TENM4: variants seen among roughly 807,000 people sequenced by gnomAD.
The protein encoded by TENM4 is teneurin transmembrane protein 4, also known as teneurin-4.
In TENM4, 82 loss-of-function variants were observed where a neutral mutation model predicts 243.3. The ratio of observed to expected loss-of-function variants is 0.34; its 90% CI spans 0.28 to 0.40. The LOEUF (loss-of-function observed/expected upper bound fraction) is 0.40, where lower values mean the gene tolerates loss of function less well. Among genes scored for constraint, TENM4 ranks in the 10% least tolerant of loss-of-function variants. The probability of loss-of-function intolerance (pLI) is 1.00; values close to 1 mark genes in which losing one functional copy is unlikely to be tolerated. For synonymous variants in TENM4, 1,412 were observed against 1,456.3 expected, an observed-to-expected ratio of 0.97 and a Z score of 0.69; for missense variants, 3,138 against 3,673.3, an observed-to-expected ratio of 0.85 and a Z score of 3.77.
intron 2 of TENM4, among the ~76,000 whole-genome samples, chr11:79,282,118 AC>A (rs1489465769): frequency 2.6e-5 from 4 of 152,236 alleles, no homozygotes; most frequent in African/African-American, 9.6e-5. Context: ...ACAATGAGAT[AC>A]CACTTCAAAC....
chr11:79,329,362 TTTCA>T (rs1857024817), intron 1 of TENM4, among the ~76,000 whole-genome samples: 1 of 152,186 alleles, frequency 6.6e-6, no homozygotes, highest in Non-Finnish European at 1.5e-5. Context: ...GGAGACAGAC[TTTCA>T]TTCATTCATC....
At chr11:78,867,820 ACCACAGAG>A (rs1400748104) in intron 9 of TENM4, among the ~76,000 whole-genome samples, 2 of 152,212 alleles carry the variant, frequency 1.3e-5, no homozygotes, top group African/African-American at 4.8e-5. Context: ...GTTACTGGAG[ACCACAGAG>A]CTGGTAGAAA....
intron 4 of TENM4, among the ~76,000 whole-genome samples, chr11:79,099,637 G>C (rs950198028): frequency 6.6e-6 from 1 of 152,136 alleles, no homozygotes; most frequent in Non-Finnish European, 1.5e-5. Flanking sequence ...GATTGTTTAG[G>C]AAGGACTGGG....
At chr11:79,079,450 G>C (rs1310197440) in intron 4 of TENM4, among the ~76,000 whole-genome samples, 1 of 152,210 alleles carries the variant, frequency 6.6e-6, no homozygotes, top group Admixed American at 6.5e-5. Flanking sequence ...GTGTCTTCCA[G>C]ATTCCTTTGG....
At chr11:79,049,708 G>A (rs1859749502) in intron 6 of TENM4, among the ~76,000 whole-genome samples, 1 of 152,208 alleles carries the variant, frequency 6.6e-6, no homozygotes, top group Non-Finnish European at 1.5e-5. Context: ...TTCCTTCCGG[G>A]AGATTGGAAT....
intron 27 of TENM4, 55 bp from the exon 28 acceptor site, chr11:78,702,458 C>T: frequency 6.4e-7 from 1 of 1,565,794 alleles, no homozygotes; most frequent in Non-Finnish European, 8.6e-7. Context: ...ACCACTAATC[C>T]ATCCCATAGC....
intron 27 of TENM4, among the ~76,000 whole-genome samples, chr11:78,705,158 C>T (rs182196393): frequency 8.7e-4 from 133 of 152,314 alleles, no homozygotes; most frequent in African/African-American, 2.7e-3. Context: ...CAACTCTGGC[C>T]GCTAAATATT....
At chr11:78,686,315 A>T (rs1858669732) in intron 29 of TENM4, among the ~76,000 whole-genome samples, 1 of 152,166 alleles carries the variant, frequency 6.6e-6, no homozygotes. Flanking sequence ...AGGGTGTGAA[A>T]GCCCCACGCC....
rs560004238 is a variant in TENM4 at position 79,158,596 on chromosome 11, G to T, written c.-162-9790C>A. Among the ~76,000 whole-genome samples, 3 of 152,262 alleles carry T rather than the reference G, an allele frequency of 2.0e-5. No individual in the cohort carries two copies. In the East Asian group the frequency reaches 5.8e-4, roughly 29 times the overall value. ...GATTAGTACTCTCATGAAGGAATGGGGAAGGTGAGTAGAATGAGAAGAATA... is the reference window on the plus strand; with the variant it reads ...GATTAGTACTCTCATGAAGGAATGGTGAAGGTGAGTAGAATGAGAAGAATA... On this transcript the variant is annotated intron_variant, in intron 3 of 33. Transcript: ENST00000278550.
At chr11:78,897,511 C>T (rs1855825535) in intron 7 of TENM4, among the ~76,000 whole-genome samples, 1 of 152,148 alleles carries the variant, frequency 6.6e-6, no homozygotes, top group African/African-American at 2.4e-5. Flanking sequence ...TAGAACAGCA[C>T]CTGGCCGTTC....
intron 6 of TENM4, among the ~76,000 whole-genome samples, chr11:79,002,272 G>A (rs1858349453): frequency 6.6e-6 from 1 of 152,222 alleles, no homozygotes; most frequent in Admixed American, 6.5e-5. Flanking sequence ...GAATGTTGGG[G>A]TTCACTCCTG....
At chr11:78,845,029 A>G (rs1858358122) in intron 12 of TENM4, among the ~76,000 whole-genome samples, 1 of 152,120 alleles carries the variant, frequency 6.6e-6, no homozygotes, top group Non-Finnish European at 1.5e-5. Flanking sequence ...TTCTCAAAAT[A>G]TGTCCTTTCT....
intron 6 of TENM4, among the ~76,000 whole-genome samples, chr11:79,035,819 A>G (rs1261077426): frequency 4.6e-5 from 7 of 152,222 alleles, no homozygotes; most frequent in African/African-American, 1.7e-4. Flanking sequence ...CAAGCTGAAC[A>G]CAAATATAAA....
chr11:79,132,566 C>A (rs1862031400), intron 4 of TENM4, among the ~76,000 whole-genome samples: 1 of 151,942 alleles, frequency 6.6e-6, no homozygotes, highest in South Asian at 2.1e-4. Context: ...GCACATGGAA[C>A]TTTCTCCAAG....
intron 3 of TENM4, among the ~76,000 whole-genome samples, chr11:79,189,755 C>T (rs1055105347): frequency 2.6e-5 from 4 of 152,202 alleles, no homozygotes; most frequent in Non-Finnish European, 4.4e-5. Context: ...CTAATATTGA[C>T]TGACCACAGC....
chr11:79,234,969 C>T (rs903990472), intron 2 of TENM4, among the ~76,000 whole-genome samples: 2 of 152,098 alleles, frequency 1.3e-5, no homozygotes, highest in Admixed American at 1.3e-4. Context: ...TCAGTGAAGC[C>T]ACAGGGCCTT....
intron 2 of TENM4, among the ~76,000 whole-genome samples, chr11:79,221,760 T>C (rs1292553955): frequency 6.6e-6 from 1 of 152,190 alleles, no homozygotes; most frequent in Non-Finnish European, 1.5e-5. Flanking sequence ...CAGCAGATGG[T>C]TTTATGTAAT....
At chr11:79,247,159 G>A (rs1445931418) in intron 2 of TENM4, among the ~76,000 whole-genome samples, 3 of 151,974 alleles carry the variant, frequency 2.0e-5, no homozygotes, top group South Asian at 4.2e-4. Context: ...TCTCACGCCT[G>A]TAATCCCAGC....
chr11:78,936,690 CA>C (rs1361286468), intron 6 of TENM4, among the ~76,000 whole-genome samples: 4 of 152,186 alleles, frequency 2.6e-5, no homozygotes, highest in African/African-American at 7.2e-5. Context: ...GATGGTCAAA[CA>C]ACTTGTAGAA....
Sources: allele counts gnomAD v4.1 joint callset (sites outside exome capture counted in the v4.1 genomes callset), GRCh38; gene constraint gnomAD v4.1.1; transcripts MANE v1.5; gene names NCBI Gene and HGNC (gene_info 2026-07-23, HGNC 2026-07-21).